PRKG1: variants seen among roughly 807,000 people sequenced by gnomAD.
PRKG1 encodes the protein cGMP-dependent protein kinase 1.
A neutral mutation model predicts 88.1 loss-of-function variants in PRKG1; 35 were observed. The observed-to-expected ratio is 0.40, with a 90% CI of 0.30 to 0.53. The LOEUF (loss-of-function observed/expected upper bound fraction) is 0.53, where lower values mean the gene tolerates loss of function less well. Among genes scored for constraint, PRKG1 ranks in the 20% least tolerant of loss-of-function variants. The pLI is 0.59. For synonymous variants in PRKG1, 303 were observed against 292.5 expected (o/e 1.04, Z -0.37); for missense variants, 540 against 839.8 (o/e 0.64, Z 4.41).
intron 1 of PRKG1, among the ~76,000 whole-genome samples, chr10:51,117,312 A>G (rs1845151126): frequency 6.6e-6 from 1 of 152,240 alleles, no homozygotes; most frequent in African/African-American, 2.4e-5. Flanking sequence ...GGGAAAGTCC[A>G]TAATGGTGTT....
intron 3 of PRKG1, among the ~76,000 whole-genome samples, chr10:51,647,456 G>T (rs10998683): frequency 0.048 from 7,374 of 152,238 alleles, 285 homozygotes; most frequent in Admixed American, 0.094. Context: ...AGCGTCCAAG[G>T]ACACTCCTGG....
At chr10:52,233,618 C>T (rs1350427106) in intron 9 of PRKG1, among the ~76,000 whole-genome samples, 10 of 146,242 alleles carry the variant, frequency 6.8e-5, no homozygotes, top group South Asian at 2.4e-4. Flanking sequence ...GCTTAAAAAA[C>T]GGCGCACCAC....
intron 3 of PRKG1, among the ~76,000 whole-genome samples, chr10:51,634,281 A>G (rs898595385): frequency 1.3e-5 from 2 of 152,166 alleles, no homozygotes; most frequent in African/African-American, 4.8e-5. Flanking sequence ...GAAAAAGTAT[A>G]AGCATCTCTA....
chr10:51,727,744 G>T (rs1013452080), intron 3 of PRKG1, among the ~76,000 whole-genome samples: 4 of 152,034 alleles, frequency 2.6e-5, no homozygotes, highest in African/African-American at 4.8e-5. Context: ...ATTGGATGAG[G>T]GGTAAATGAC....
At chr10:51,606,828 G>A (rs1451991689) in intron 3 of PRKG1, among the ~76,000 whole-genome samples, 4 of 152,130 alleles carry the variant, frequency 2.6e-5, no homozygotes, top group Admixed American at 1.3e-4. Context: ...ATATTCAGAA[G>A]GGAGCAATCT....
At chr10:51,112,676 AT>A (rs1845006039) in intron 1 of PRKG1, among the ~76,000 whole-genome samples, 1 of 152,164 alleles carries the variant, frequency 6.6e-6, no homozygotes, top group South Asian at 2.1e-4. Flanking sequence ...TTGTTCGGAT[AT>A]TTAATTTTTA....
chr10:52,171,745 AACT>A (rs1838684001), intron 9 of PRKG1, among the ~76,000 whole-genome samples: 2 of 151,536 alleles, frequency 1.3e-5, no homozygotes, highest in Non-Finnish European at 2.9e-5. Flanking sequence ...TTCAGGACAA[AACT>A]ACTCGGCCTT....
chr10:51,736,670 G>A (rs868183783), intron 3 of PRKG1, among the ~76,000 whole-genome samples: 9 of 148,834 alleles, frequency 6.0e-5, no homozygotes, highest in Non-Finnish European at 8.9e-5. Flanking sequence ...GTGCAGTGGC[G>A]CCTTCATAGC....
intron 5 of PRKG1, among the ~76,000 whole-genome samples, chr10:51,947,269 G>T (rs949675813): frequency 9.2e-5 from 14 of 152,188 alleles, no homozygotes; most frequent in South Asian, 2.1e-4. Context: ...CTCGGAGCCA[G>T]GTGTGGGATA....
chr10:52,050,208 T>A (rs1217096138), intron 5 of PRKG1, among the ~76,000 whole-genome samples: 1 of 151,856 alleles, frequency 6.6e-6, no homozygotes, highest in Non-Finnish European at 1.5e-5. Context: ...AAGGAACCAA[T>A]CTCAGAAGGC....
At chr10:51,729,829 T>C (rs773460183) in intron 3 of PRKG1, among the ~76,000 whole-genome samples, 12 of 151,930 alleles carry the variant, frequency 7.9e-5, no homozygotes, top group Non-Finnish European at 1.3e-4. Context: ...CAAATGCACT[T>C]ATACCCCTTT....
intron 5 of PRKG1, among the ~76,000 whole-genome samples, chr10:52,029,834 G>A: frequency 6.6e-6 from 1 of 152,118 alleles, no homozygotes; most frequent in East Asian, 1.9e-4. Flanking sequence ...GTATCTGGCT[G>A]CGTGCTGGAC....
chr10:51,783,868 G>A (rs554189130), intron 3 of PRKG1, among the ~76,000 whole-genome samples: 1 of 152,262 alleles, frequency 6.6e-6, no homozygotes, highest in Admixed American at 6.5e-5. Context: ...TAAATGTATA[G>A]GAAAGTGTGT....
At chr10:52,264,889 A>G (rs562264362) in intron 10 of PRKG1, among the ~76,000 whole-genome samples, 1 of 152,070 alleles carries the variant, frequency 6.6e-6, no homozygotes, top group African/African-American at 2.4e-5. Flanking sequence ...GAATATGAAC[A>G]TAAATGTAAA....
At chr10:51,898,019 A>G (rs1367022661) in intron 4 of PRKG1, among the ~76,000 whole-genome samples, 1 of 151,852 alleles carries the variant, frequency 6.6e-6, no homozygotes, top group African/African-American at 2.4e-5. Flanking sequence ...GATGTCTACT[A>G]ATCTCCCTCT....
At chr10:51,012,982 C>T (rs1043856963) in intron 1 of PRKG1, among the ~76,000 whole-genome samples, 4 of 152,136 alleles carry the variant, frequency 2.6e-5, no homozygotes, top group Non-Finnish European at 5.9e-5. Flanking sequence ...GCAAAGACAT[C>T]GGCATGTTTG....
intron 2 of PRKG1, among the ~76,000 whole-genome samples, chr10:51,310,604 T>G (rs1841158594): frequency 6.6e-6 from 1 of 152,210 alleles, no homozygotes; most frequent in Non-Finnish European, 1.5e-5. Flanking sequence ...CCCATATTTT[T>G]ATTTTTTTAT....
chr10:52,062,880 G>A (rs781740234), intron 7 of PRKG1: 4 of 697,730 alleles, frequency 5.7e-6, no homozygotes, highest in Admixed American at 4.4e-5. Flanking sequence ...TTTCAGGTTT[G>A]TGTCCTTAAT....
Position 52,131,536 on chromosome 10 carries a change from G to A in PRKG1, c.936-2304G>A, listed in dbSNP as rs1042002745. 2.6e-5 allele frequency among the ~76,000 whole-genome samples: 4 copies of A among 151,988 alleles called. No homozygotes were observed. The South Asian group carries it at 8.3e-4, about 32-fold the overall frequency. On this transcript the variant is annotated intron_variant, in intron 7 of 17. Coordinates refer to ENST00000373980, the MANE Select transcript of PRKG1 (RefSeq NM_006258.4). The stretch of plus-strand genomic sequence containing the variant: ...CATGTTAAGAACTCGTGGCAGGAGG[G>A]CGATGATGTGTATTAAAAGGAGGCC...
Sources: gnomAD v4.1 joint callset for allele counts (sites outside exome capture counted in the v4.1 genomes callset) on GRCh38, gnomAD v4.1.1 for gene constraint, MANE v1.5 for transcripts, NCBI Gene and HGNC (gene_info 2026-07-23, HGNC 2026-07-21) for gene names.